MYO16: variants seen among roughly 807,000 people sequenced by gnomAD.
The protein encoded by MYO16 is unconventional myosin-XVI.
MYO16 carries 94 observed loss-of-function variants against 205.3 expected under a neutral mutation model. That is an observed-to-expected ratio of 0.46 (90% CI 0.39 to 0.54). The LOEUF (loss-of-function observed/expected upper bound fraction) is 0.54, where lower values mean the gene tolerates loss of function less well. MYO16 is among the 20% of genes least tolerant of loss of function. MYO16 has a pLI of 0.00. For synonymous variants in MYO16, 988 were observed against 954.0 expected, an observed-to-expected ratio of 1.04 and a Z score of -0.66; for missense variants, 2,315 against 2,387.5, an observed-to-expected ratio of 0.97 and a Z score of 0.63.
rs569913923 is a variant in MYO16, at chr13:109,019,605, G to A, written c.2596-106G>A. 4 of 812,750 alleles carry A rather than the reference G, an allele frequency of 4.9e-6. No individual in the cohort carries two copies. In the South Asian group the frequency reaches 5.4e-5, roughly 11 times the overall value. 50.3% of individuals were successfully genotyped at this position (812,750 alleles called of 1,614,324 possible). On this transcript the variant is annotated intron_variant, in intron 22 of 34. Transcript: ENST00000457511. ...GTAAAGACTGATTCATTTTCTGAGT[G>A]TCTATATGAATCTAACAAAAATATA...
intron 33 of MYO16, among the ~76,000 whole-genome samples, chr13:109,177,448 C>T (rs74119886): frequency 0.044 from 6,750 of 152,146 alleles, 484 homozygotes; most frequent in African/African-American, 0.15. Context: ...GAGCTTATAC[C>T]CTTTCAACTG....
intron 16 of MYO16, among the ~76,000 whole-genome samples, chr13:108,950,622 A>G (rs560251405): frequency 6.6e-6 from 1 of 152,338 alleles, no homozygotes; most frequent in South Asian, 2.1e-4. Flanking sequence ...CAGCCGTGCT[A>G]GAAAAGAGTG....
At chr13:108,901,498 G>A (rs1186137522) in intron 15 of MYO16, among the ~76,000 whole-genome samples, 1 of 152,066 alleles carries the variant, frequency 6.6e-6, no homozygotes, top group Non-Finnish European at 1.5e-5. Flanking sequence ...ATAGTTCAAG[G>A]CCCAGAAAAG....
intron 11 of MYO16, among the ~76,000 whole-genome samples, chr13:108,856,056 T>G (rs552530845): frequency 6.6e-5 from 10 of 152,246 alleles, no homozygotes; most frequent in Admixed American, 3.9e-4. Flanking sequence ...AGATTCCTGA[T>G]AGTAGAATCC....
Position 108,909,531 on chromosome 13 carries a change from C to G in MYO16, c.1778-472C>G, listed in dbSNP as rs112340902. 3.8e-3 allele frequency among the ~76,000 whole-genome samples: 574 copies of G among 151,760 alleles called. 2 individuals carry two copies. Among genetic ancestry groups the G allele is most frequent in the Non-Finnish European group, 5.2e-3 (351 of 67,972 alleles). ...CTCCAGTGTTTCTGGCAGTGAGGGA[C>G]CATGGTCTGTCTCCCTGGGCCTTCA... On this transcript the variant is annotated intron_variant, in intron 15 of 34. Transcript: ENST00000457511.
intron 20 of MYO16, among the ~76,000 whole-genome samples, chr13:108,972,041 C>A (rs1359273980): frequency 1.3e-5 from 2 of 148,790 alleles, no homozygotes; most frequent in Non-Finnish European, 3.0e-5. Context: ...CCCCACCCCC[C>A]AAAAAAATAC....
intron 4 of MYO16, among the ~76,000 whole-genome samples, chr13:108,751,940 T>C (rs1379375658): frequency 6.6e-6 from 1 of 152,098 alleles, no homozygotes; most frequent in Non-Finnish European, 1.5e-5. Flanking sequence ...AGTATCCTGA[T>C]GAGATCCTGG....
At position 108,793,555 on chromosome 13, in the gene MYO16, G is replaced by A; in HGVS notation, c.656G>A (p.Arg219Lys). Residue 219 changes from arginine to lysine, a missense_variant, in exon 6 of 35, where the codon AGA (arginine) becomes AAA (lysine). Physicochemically the swap from Arg to Lys is conservative, Grantham distance 26. This residue lies in a region of MYO16 where 1,213 missense variants were observed against 1,274.4 expected (regional missense o/e 0.95). Transcript: ENST00000457511. ...LTSLRQMKLQRPMSMLTDVKH... is the reference protein window; with the variant it reads ...LTSLRQMKLQKPMSMLTDVKH... ...TCACTGCGCCAGATGAAGCTTCAGA[G>A]ACCAATGAGTATGTTAACAGATGTC... 1 of 1,613,854 alleles carries A rather than the reference G, an allele frequency of 6.2e-7. No individual in the cohort carries two copies.
chr13:109,115,966 A>AC lies in MYO16; in HGVS notation c.3439-4404_3439-4403insC, dbSNP rs574409180. 5.8e-4 allele frequency among the ~76,000 whole-genome samples: 87 copies of AC among 149,408 alleles called. 1 individual carries two copies. Among genetic ancestry groups the AC allele is most frequent in the Admixed American group, 1.5e-3 (23 of 15,126 alleles). The stretch of plus-strand genomic sequence containing the variant: ...TTTACTACAAGTATAGCATCTCAAA[A>AC]AAACAAACAAACAAACAAACAAAAA... On this transcript the variant is annotated intron_variant, in intron 28 of 34. Transcript: ENST00000457511.
intron 2 of MYO16, among the ~76,000 whole-genome samples, chr13:108,667,519 G>A (rs1009971524): frequency 6.6e-6 from 1 of 152,068 alleles, no homozygotes; most frequent in African/African-American, 2.4e-5. Context: ...ACCTATGGCT[G>A]TTCATTGAAT....
chr13:108,584,267 A>G, the MYO16 span, among the ~76,000 whole-genome samples: 1 of 152,132 alleles, frequency 6.6e-6, no homozygotes, highest in Non-Finnish European at 1.5e-5. Flanking sequence ...TAGTCTTTGA[A>G]CCAATTTTAA....
At chr13:108,658,765 G>T (rs1467629734) in intron 1 of MYO16, among the ~76,000 whole-genome samples, 3 of 151,872 alleles carry the variant, frequency 2.0e-5, no homozygotes, top group Admixed American at 6.6e-5. Flanking sequence ...GTGTAATTTT[G>T]GTTCCTCAGA....
At chr13:109,076,094 T>C (rs1015436287) in intron 27 of MYO16, among the ~76,000 whole-genome samples, 2 of 152,190 alleles carry the variant, frequency 1.3e-5, no homozygotes, top group African/African-American at 4.8e-5. Context: ...TTTCAGTGTC[T>C]GCAGGGTCTC....
intron 4 of MYO16, among the ~76,000 whole-genome samples, chr13:108,749,200 A>C (rs545605328): frequency 9.9e-5 from 15 of 152,086 alleles, no homozygotes; most frequent in African/African-American, 3.1e-4. Flanking sequence ...ATCCTCAACT[A>C]TACAATATAT....
chr13:109,025,350 A>G (rs990892253), intron 23 of MYO16, among the ~76,000 whole-genome samples: 6 of 152,216 alleles, frequency 3.9e-5, no homozygotes, highest in Admixed American at 3.3e-4. Flanking sequence ...TGTTTAAGCA[A>G]CATTATTTAA....
chr13:108,736,624 G>A (rs912120415), intron 4 of MYO16, among the ~76,000 whole-genome samples: 52 of 152,250 alleles, frequency 3.4e-4, no homozygotes, highest in Middle Eastern at 3.4e-3. Context: ...TTGGCAATGC[G>A]GGCTGTTTTT....
At chr13:109,204,497 A>G (rs2181666) in intron 34 of MYO16, among the ~76,000 whole-genome samples, 5,565 of 152,322 alleles carry the variant, frequency 0.037, 151 homozygotes, top group South Asian at 0.07. Flanking sequence ...CTGGACAAAC[A>G]TAGATGACTG....
In MYO16 at chr13:108,961,604, C is replaced by A; in HGVS notation, c.2103C>A (p.Ala701=). The A allele has an allele frequency of 1.9e-6, 3 of 1,614,052 alleles. No homozygotes were observed. The highest frequency in any genetic ancestry group is 2.5e-6 in the Non-Finnish European group (3 of 1,179,978). The change falls in exon 18 of 35, where the codon GCC becomes GCA. Residue 701 remains alanine (A), a synonymous_variant. Coordinates refer to ENST00000457511, the MANE Select transcript of MYO16 (RefSeq NM_001198950.3). ...ACCTTGGAGACATTCGGTTTACTGC[C>A]CTGAATGAGGGGAACTCCGCCTTCG... The part of the protein sequence containing the change: ...ILHLGDIRFT[A]LNEGNSAFVS...
chr13:109,078,390 G>T (rs1031063128), intron 27 of MYO16, among the ~76,000 whole-genome samples: 1 of 152,052 alleles, frequency 6.6e-6, no homozygotes, highest in Non-Finnish European at 1.5e-5. Flanking sequence ...AGTGAGCTGA[G>T]ATCTCATGCC....
Sources: gnomAD v4.1 joint callset for allele counts (sites outside exome capture counted in the v4.1 genomes callset) on GRCh38, gnomAD v4.1.1 for gene constraint, gnomAD v4.1.1 regional missense constraint, MANE v1.5 for transcripts, NCBI Gene and HGNC (gene_info 2026-07-23, HGNC 2026-07-21) for gene names.